Variants in THAP4 observed in about 807,000 individuals in gnomAD.
The protein encoded by THAP4 is peroxynitrite isomerase THAP4.
THAP4 carries 18 observed loss-of-function variants against 48.1 expected under a neutral mutation model. The observed-to-expected ratio is 0.37, with a 90% CI of 0.26 to 0.56. The LOEUF (loss-of-function observed/expected upper bound fraction) is 0.56, where lower values mean the gene tolerates loss of function less well. Among genes scored for constraint, THAP4 ranks in the 20% least tolerant of loss-of-function variants. The pLI is 0.78. For synonymous variants in THAP4, 345 were observed against 324.9 expected (o/e 1.06, Z -0.66); for missense variants, 656 against 774.9 (o/e 0.85, Z 1.82).
chr2:241,607,370 A>C (rs1188153757), intron 2 of THAP4, among the ~76,000 whole-genome samples: 1 of 151,828 alleles, frequency 6.6e-6, no homozygotes, highest in African/African-American at 2.4e-5. Context: ...GGCTGGATGC[A>C]CGGGCCCTGC....
rs1387968280 is a variant in THAP4 at position 241,616,568 on chromosome 2, C to G, written c.1241-10095G>C. Among the ~76,000 whole-genome samples, 1 of 152,198 alleles carries G rather than the reference C, an allele frequency of 6.6e-6. No individual in the cohort carries two copies. Among genetic ancestry groups the G allele is most frequent in the Non-Finnish European group, 1.5e-5 (1 of 68,034 alleles). ...CGGGCCCTGGAGAGAAGCTACCCTG[C>G]AGGCGGCTGCTGCTTCAGGGGCACA... On this transcript the variant is annotated intron_variant, in intron 2 of 5. Coordinates refer to ENST00000407315, the MANE Select transcript of THAP4 (RefSeq NM_015963.6). The surrounding 1 kb of genome is among the most constrained non-coding windows in gnomAD (Gnocchi z 4.6).
chr2:241,602,218 C>A (rs2125076489), intron 4 of THAP4: 1 of 576,398 alleles, frequency 1.7e-6, no homozygotes, highest in East Asian at 2.8e-5. Flanking sequence ...GAAGGCCACC[C>A]TCTCCAGACT....
upstream of THAP4, chr2:241,637,503 G>A (rs2125105016): frequency 2.8e-6 from 4 of 1,433,810 alleles, no homozygotes; most frequent in African/African-American, 3.0e-5. Flanking sequence ...CCCACGACAC[G>A]ACCCCATGCC....
chr2:241,600,976 A>G (rs779003996), intron 5 of THAP4, among the ~76,000 whole-genome samples: 1 of 65,458 alleles, frequency 1.5e-5, no homozygotes, highest in African/African-American at 6.6e-5. Context: ...ACAAATCTTT[A>G]AAAAAAAAAA....
At position 241,633,284 on chromosome 2, in the gene THAP4, C is replaced by T. The variant is rs7574451; in HGVS notation, c.873G>A (p.Ala291=). The part of the protein sequence containing the change: ...AQSPPSSSLT[A]TPQKPSQSPS... ...GGCTCTGGGAAGGCTTCTGCGGTGTCGCGGTAAGTGATGAGCTGGGAGGGC... is the reference window on the plus strand; with the variant it reads ...GGCTCTGGGAAGGCTTCTGCGGTGTTGCGGTAAGTGATGAGCTGGGAGGGC... The change falls in exon 2 of 6, where the codon GCG becomes GCA. Residue 291 remains alanine (A), a synonymous_variant. Transcript: ENST00000407315. The surrounding 1 kb of genome is among the most constrained non-coding windows in gnomAD (Gnocchi z 7.5). The T allele has an allele frequency of 8.4e-4, 1,353 of 1,611,716 alleles. 7 individuals carry two copies. The African/African-American group carries it at 0.015, about 18-fold the overall frequency.
In THAP4 at chr2:241,615,320, GC is replaced by G. The variant is rs573267986; in HGVS notation, c.1241-8848del. 1.4e-4 allele frequency among the ~76,000 whole-genome samples: 21 copies of G among 152,248 alleles called. No homozygotes were observed. The East Asian group carries it at 3.7e-3, about 27-fold the overall frequency. On this transcript the variant is annotated intron_variant, in intron 2 of 5. Transcript: ENST00000407315. ...ACCTAGGAGCTTGTGTTTCACTTAT[GC>G]GAATTACACCTCAATAAAAATGTTA...
chr2:241,637,027 T>C lies in THAP4; in HGVS notation c.-10A>G, dbSNP rs772025176. 4.0e-6 allele frequency: 5 copies of C among 1,258,654 alleles called. No homozygotes were observed. Among genetic ancestry groups the C allele is most frequent in the African/African-American group, 1.6e-5 (1 of 63,154 alleles). 78.0% of individuals were successfully genotyped at this position (1,258,654 alleles called of 1,614,324 possible). On this transcript the variant is annotated 5_prime_UTR_variant, in exon 1 of 6. Coordinates refer to ENST00000407315, the MANE Select transcript of THAP4 (RefSeq NM_015963.6). ...CACAGCAGATCACCATCGCGGGCCT[T>C]GGCCCAGCCGCGCAGCCAGGCCCCG...
chr2:241,604,581 T>A (rs942340121), intron 3 of THAP4, among the ~76,000 whole-genome samples: 7 of 150,606 alleles, frequency 4.6e-5, no homozygotes, highest in African/African-American at 1.7e-4. Flanking sequence ...TATTTTTGTA[T>A]TTTTTTTTAG....
At chr2:241,615,375 T>C (rs759152214) in intron 2 of THAP4, among the ~76,000 whole-genome samples, 2 of 152,150 alleles carry the variant, frequency 1.3e-5, no homozygotes, top group African/African-American at 2.4e-5. Flanking sequence ...AACAAATTAA[T>C]ATTTCAAAAA....
rs375319739 is a variant in THAP4 at position 241,601,865 on chromosome 2, A to G, written c.1614+31T>C. 6.2e-7 allele frequency: 1 copy of G among 1,612,778 alleles called. No individual in the cohort carries two copies. Among genetic ancestry groups the G allele is most frequent in the Non-Finnish European group, 8.5e-7 (1 of 1,179,626 alleles). ...CCACAGACCGCTGCAAACAGAAGAC[A>G]GGAGCGTGCTGGGAGCAGGGCTGGG... On this transcript the variant is annotated intron_variant, in intron 5 of 5. Transcript: ENST00000407315. This position sits in a 1 kb window ranked among gnomAD's most constrained non-coding sequence, Gnocchi z 4.0.
chr2:241,600,239 T>C (rs2067095464), intron 5 of THAP4, among the ~76,000 whole-genome samples: 1 of 152,096 alleles, frequency 6.6e-6, no homozygotes, highest in African/African-American at 2.4e-5. Context: ...CCTATATTTA[T>C]GTGGATGTGC....
In THAP4 at chr2:241,598,173, G is replaced by A. The variant is rs1018387368; in HGVS notation, c.1614+3723C>T. 3.9e-5 allele frequency among the ~76,000 whole-genome samples: 6 copies of A among 152,232 alleles called. 1 individual carries two copies. Among genetic ancestry groups the A allele is most frequent in the African/African-American group, 9.6e-5 (4 of 41,550 alleles). ...AACGGACACTTTTGCAGGAGAACAT[G>A]AATTTGCAGATGGAGCCAAGTAAGA... is the stretch of plus-strand genomic sequence containing the variant. On this transcript the variant is annotated intron_variant, in intron 5 of 5. Coordinates refer to ENST00000407315, the MANE Select transcript of THAP4 (RefSeq NM_015963.6).
At position 241,633,406 on chromosome 2, in the gene THAP4, C is replaced by A. The variant is rs1390731984; in HGVS notation, c.751G>T (p.Val251Phe). The A allele has an allele frequency of 6.2e-7, 1 of 1,613,638 alleles. No homozygotes were observed. The highest frequency in any genetic ancestry group is 8.5e-7 in the Non-Finnish European group (1 of 1,180,006). ...TTGCGGTCAATGGGCTCTCGGGGGA[C>A]AGATGGCCTTTCTCGGGTGTGCTTA... ...SSKHTRERPS[V>F]PREPIDRKRL... The change falls in exon 2 of 6, where the codon GTC becomes TTC. Residue 251 changes from valine to phenylalanine, a missense_variant. Transcript: ENST00000407315. This position sits in a 1 kb window ranked among gnomAD's most constrained non-coding sequence, Gnocchi z 7.5.
intron 5 of THAP4, among the ~76,000 whole-genome samples, chr2:241,593,451 G>C (rs971983283): frequency 1.3e-5 from 2 of 152,172 alleles, no homozygotes; most frequent in Non-Finnish European, 2.9e-5. Flanking sequence ...AGAAAGATGG[G>C]AGGCGGCACA....
intron 5 of THAP4, among the ~76,000 whole-genome samples, chr2:241,593,542 G>C (rs1237103284): frequency 6.6e-6 from 1 of 151,762 alleles, no homozygotes; most frequent in Non-Finnish European, 1.5e-5. Context: ...GAGGCTGAAT[G>C]CAGCACTGGG....
intron 5 of THAP4, among the ~76,000 whole-genome samples, chr2:241,599,717 T>C (rs1407139569): frequency 6.6e-6 from 1 of 152,224 alleles, no homozygotes; most frequent in Non-Finnish European, 1.5e-5. Flanking sequence ...CATTCATGTA[T>C]TCAATGCAGT....
intron 5 of THAP4, among the ~76,000 whole-genome samples, chr2:241,591,658 G>A (rs910524485): frequency 5.9e-5 from 9 of 152,150 alleles, no homozygotes; most frequent in African/African-American, 2.2e-4. Context: ...GTGCAGGGTA[G>A]CTGGCCCTCA....
intron 4 of THAP4, 24 bp from the exon 5 acceptor site, chr2:241,602,023 C>A: frequency 6.2e-7 from 1 of 1,604,982 alleles, no homozygotes; most frequent in Non-Finnish European, 8.5e-7. Flanking sequence ...GCAGTCAGCT[C>A]ACCCAGCAGC....
rs144402439 is a variant in THAP4 at position 241,584,508 on chromosome 2, C to T, written c.*98G>A. The T allele has an allele frequency of 2.3e-5, 32 of 1,373,902 alleles. No individual in the cohort carries two copies. The highest frequency in any genetic ancestry group is 2.3e-4 in the African/African-American group (16 of 69,870). 85.1% of individuals were successfully genotyped at this position (1,373,902 alleles called of 1,614,324 possible). A position where few individuals can be genotyped will look rare whatever the true frequency, so the allele number is the denominator to read the frequency against. On this transcript the variant is annotated 3_prime_UTR_variant, in exon 6 of 6. Transcript: ENST00000407315. ...ACACTCTTGAGCCTGCAGAGGCTCA[C>T]GGCCACACCCACTTCTGCCGCAGGG...
Sources: gnomAD v4.1 joint callset for allele counts (sites outside exome capture counted in the v4.1 genomes callset) on GRCh38, gnomAD v4.1.1 for gene constraint, Gnocchi (gnomAD v3.1) non-coding constraint, MANE v1.5 for transcripts, NCBI Gene and HGNC (gene_info 2026-07-23, HGNC 2026-07-21) for gene names.